The following ZNF608 variants were observed in gnomAD, a reference collection of about 807,000 sequenced individuals.
ZNF608 encodes the protein renal carcinoma antigen NY-REN-36.
In ZNF608, 12 loss-of-function variants were observed where a neutral mutation model predicts 109.0. The observed-to-expected ratio is 0.11, with a 90% CI of 0.07 to 0.18. The LOEUF (loss-of-function observed/expected upper bound fraction) is 0.18, where lower values mean the gene tolerates loss of function less well. Among genes scored for constraint, ZNF608 ranks in the 10% least tolerant of loss-of-function variants. The pLI is 1.00. For synonymous variants in ZNF608, 732 were observed against 717.4 expected, an observed-to-expected ratio of 1.02 and a Z score of -0.33; for missense variants, 1,707 against 1,879.3, an observed-to-expected ratio of 0.91 and a Z score of 1.70.
intron 3 of ZNF608, among the ~76,000 whole-genome samples, chr5:124,685,428 C>G (rs147568316): frequency 6.6e-6 from 1 of 152,334 alleles, no homozygotes; most frequent in African/African-American, 2.4e-5. Flanking sequence ...TGACAATCCC[C>G]TAATATTCTT....
Position 124,744,711 on chromosome 5 carries a change from G to A in ZNF608, c.279C>T (p.Pro93=). Residue 93 remains proline, a synonymous_variant, in exon 2 of 10, where the codon CCC becomes CCT. Transcript: ENST00000513986. This position sits in a 1 kb window ranked among gnomAD's most constrained non-coding sequence, Gnocchi z 4.5. ...LKFASVQASA[P]QGNSHKETSK... ...TGGTCTCTTTGTGTGAATTCCCCTG[G>A]GGAGCAGAGGCCTGAACAGAAGCAA... 1.9e-6 allele frequency: 3 copies of A among 1,614,094 alleles called. No individual in the cohort carries two copies. Among genetic ancestry groups the A allele is most frequent in the Non-Finnish European group, 2.5e-6 (3 of 1,180,022 alleles).
intron 3 of ZNF608, among the ~76,000 whole-genome samples, chr5:124,693,355 T>C (rs553343546): frequency 6.6e-6 from 1 of 152,292 alleles, no homozygotes; most frequent in African/African-American, 2.4e-5. Flanking sequence ...ATTCCTTCTT[T>C]ACAGGAAGAA....
At chr5:124,651,325 G>C in intron 3 of ZNF608, among the ~76,000 whole-genome samples, 1 of 152,218 alleles carries the variant, frequency 6.6e-6, no homozygotes, top group Non-Finnish European at 1.5e-5. Flanking sequence ...GAAAGGGGAG[G>C]GGGTGGGAGA....
At chr5:124,683,215 A>T (rs2149827810) in intron 3 of ZNF608, among the ~76,000 whole-genome samples, 1 of 152,328 alleles carries the variant, frequency 6.6e-6, no homozygotes, top group Admixed American at 6.5e-5. Context: ...TCTTCAGCTG[A>T]CAGTAGCACC....
At chr5:124,659,763 T>A (rs1247561401) in intron 3 of ZNF608, among the ~76,000 whole-genome samples, 1 of 152,194 alleles carries the variant, frequency 6.6e-6, no homozygotes, top group Non-Finnish European at 1.5e-5. Context: ...TAAAGTAATT[T>A]CTTACCATCC....
At chr5:124,747,423 G>C (rs1749678752), upstream of ZNF608, among the ~76,000 whole-genome samples, 1 of 151,822 alleles carries the variant, frequency 6.6e-6, no homozygotes, top group Non-Finnish European at 1.5e-5. Flanking sequence ...CTGGGAGAGG[G>C]GGATGGGCGA....
intron 2 of ZNF608, among the ~76,000 whole-genome samples, chr5:124,731,624 G>A (rs1006691981): frequency 2.6e-5 from 4 of 151,846 alleles, no homozygotes; most frequent in Admixed American, 2.6e-4. Flanking sequence ...CCAGGAGTTC[G>A]AGACTAGCCT....
chr5:124,721,113 A>G lies in ZNF608; in HGVS notation c.907-19844T>C, dbSNP rs570761598. On this transcript the variant is annotated intron_variant, in intron 2 of 9. Coordinates refer to ENST00000513986, the MANE Select transcript of ZNF608 (RefSeq NM_020747.3). ...GAATAAGTCATCTTTATTCTTTAAA[A>G]CTCAATAGGCATGCTCTACCAAACT... Among the ~76,000 whole-genome samples, 3 of 152,248 alleles carry G rather than the reference A, an allele frequency of 2.0e-5. No homozygotes were observed. The South Asian group carries it at 6.2e-4, about 32-fold the overall frequency.
intron 9 of ZNF608, 34 bp downstream of exon 9, chr5:124,639,099 T>C (rs767258789): frequency 6.3e-7 from 1 of 1,597,896 alleles, no homozygotes; most frequent in Non-Finnish European, 8.6e-7. Context: ...GATATTTCTA[T>C]CTACAACTAA....
In ZNF608 at chr5:124,746,625, G is replaced by C; in HGVS notation, c.-614C>G. The C allele has an allele frequency of 1.0e-6, 1 of 985,322 alleles. No individual in the cohort carries two copies. Among genetic ancestry groups the C allele is most frequent in the Non-Finnish European group, 1.2e-6 (1 of 829,926 alleles). The allele number at this position is 985,322 out of a possible 1,614,324, so 61.0% of individuals were successfully genotyped here. On this transcript the variant is annotated 5_prime_UTR_variant, in exon 1 of 10. Transcript: ENST00000513986. ...ATGATCCCATGTAGCAAACCTACAG[G>C]CGTCCGCTAGTAACGAGACAGAATG...
intron 3 of ZNF608, among the ~76,000 whole-genome samples, chr5:124,674,827 T>TTG (rs776083431): frequency 2.6e-5 from 4 of 152,100 alleles, no homozygotes; most frequent in Non-Finnish European, 5.9e-5. Context: ...GTTGACAAGG[T>TTG]TGGTCTTGAA....
At chr5:124,713,628 A>G (rs1753585333) in intron 2 of ZNF608, among the ~76,000 whole-genome samples, 1 of 152,246 alleles carries the variant, frequency 6.6e-6, no homozygotes, top group Non-Finnish European at 1.5e-5. Flanking sequence ...CCAAGTGCCT[A>G]CATAATATCC....
intron 3 of ZNF608, among the ~76,000 whole-genome samples, chr5:124,660,960 A>G (rs899679181): frequency 6.6e-6 from 1 of 152,152 alleles, no homozygotes; most frequent in Admixed American, 6.5e-5. Context: ...ATTATCCCAC[A>G]TTGCTGGTGA....
At chr5:124,720,092 A>G (rs1237189704) in intron 2 of ZNF608, among the ~76,000 whole-genome samples, 1 of 152,218 alleles carries the variant, frequency 6.6e-6, no homozygotes, top group Non-Finnish European at 1.5e-5. Flanking sequence ...ACTGAATTCA[A>G]CAAATGTTCC....
At chr5:124,653,100 A>G (rs1186069851) in intron 3 of ZNF608, among the ~76,000 whole-genome samples, 3 of 152,182 alleles carry the variant, frequency 2.0e-5, no homozygotes, top group Non-Finnish European at 2.9e-5. Flanking sequence ...GCCCTGTAAC[A>G]TTTCATCTGA....
chr5:124,714,145 C>T lies in ZNF608; in HGVS notation c.907-12876G>A, dbSNP rs552153761. Among the ~76,000 whole-genome samples the T allele has an allele frequency of 2.0e-5, 3 of 152,280 alleles. No individual in the cohort carries two copies. The East Asian group carries it at 5.8e-4, about 29-fold the overall frequency. On this transcript the variant is annotated intron_variant, in intron 2 of 9. Transcript: ENST00000513986. ...AAGTAAACTTTTTTAAAAAAAACAA[C>T]ATTGTCAATCTATGATACGTCTCTA... is the stretch of plus-strand genomic sequence containing the variant.
intron 2 of ZNF608, among the ~76,000 whole-genome samples, chr5:124,743,315 C>A (rs184669493): frequency 6.6e-6 from 1 of 152,322 alleles, no homozygotes; most frequent in East Asian, 1.9e-4. Flanking sequence ...CTGTTTTATT[C>A]TTCTTAGCAG....
chr5:124,723,679 C>T (rs1057119167), intron 2 of ZNF608, among the ~76,000 whole-genome samples: 2 of 152,092 alleles, frequency 1.3e-5, no homozygotes, highest in African/African-American at 4.8e-5. Context: ...TGGAGTGAGA[C>T]GCTGACTCCA....
intron 8 of ZNF608, among the ~76,000 whole-genome samples, chr5:124,640,761 C>T (rs1426395619): frequency 2.0e-5 from 3 of 152,064 alleles, no homozygotes; most frequent in South Asian, 2.1e-4. Flanking sequence ...TTAGTGAAGT[C>T]GCAGCAGTGA....
Sources: allele counts gnomAD v4.1 joint callset (sites outside exome capture counted in the v4.1 genomes callset), GRCh38; gene constraint gnomAD v4.1.1; non-coding constraint Gnocchi (gnomAD v3.1); transcripts MANE v1.5; gene names NCBI Gene and HGNC (gene_info 2026-07-23, HGNC 2026-07-21).